Variants in LAMA2 observed in about 807,000 individuals in gnomAD.
The protein encoded by LAMA2 is laminin subunit alpha-2.
In LAMA2, 269 loss-of-function variants were observed where a neutral mutation model predicts 364.8. That is an observed-to-expected ratio of 0.74 (90% confidence interval 0.67 to 0.82). The LOEUF (loss-of-function observed/expected upper bound fraction) is 0.82. Among genes scored for constraint, LAMA2 ranks in the 40% least tolerant of loss-of-function variants. The pLI is 0.00. For missense variants in LAMA2, 3,807 were observed against 3,873.2 expected, an observed-to-expected ratio of 0.98 and a Z score of 0.45; for synonymous variants, 1,379 against 1,370.6, an observed-to-expected ratio of 1.01 and a Z score of -0.14.
At position 129,492,431 on chromosome 6, in the gene LAMA2, C is replaced by G; in HGVS notation, c.8192C>G (p.Pro2731Arg). The part of the protein sequence containing the change: ...GAAPAEIVIQ[P>R]EPVPTPAFPT... The stretch of plus-strand genomic sequence containing the variant: ...GCTCCAGCTGAAATAGTTATCCAGC[C>G]TGAGCCAGTTCCCACCCCAGCCTTT... The change falls in exon 58 of 65, where the codon CCT becomes CGT. Residue 2731 changes from proline to arginine, a missense_variant. Pro to Arg is a moderately radical substitution (Grantham distance 103). Transcript: ENST00000421865. 1 of 1,614,102 alleles carries G rather than the reference C, an allele frequency of 6.2e-7. No homozygotes were observed. Among genetic ancestry groups the G allele is most frequent in the Non-Finnish European group, 8.5e-7 (1 of 1,179,974 alleles).
chr6:129,109,582 G>A (rs1254900556), intron 4 of LAMA2, among the ~76,000 whole-genome samples: 1 of 143,124 alleles, frequency 7.0e-6, no homozygotes, highest in East Asian at 2.1e-4. Flanking sequence ...ACCACTTTGT[G>A]CACATAAGTG....
chr6:129,491,566 C>T (rs1337270289), intron 56 of LAMA2, among the ~76,000 whole-genome samples: 1 of 152,182 alleles, frequency 6.6e-6, no homozygotes, highest in Non-Finnish European at 1.5e-5. Flanking sequence ...ACCTGCCAAC[C>T]CTTATACGGT....
At position 129,443,059 on chromosome 6, in the gene LAMA2, G is replaced by A. The variant is rs1463703011; in HGVS notation, c.6269-4G>A. The A allele has an allele frequency of 1.3e-6, 2 of 1,590,034 alleles. No homozygotes were observed. The highest frequency in any genetic ancestry group is 1.7e-6 in the Non-Finnish European group (2 of 1,163,040). ...GTTTTGCTTCCATGTGAAATTGCCT[G>A]CAGAAATCAGTACGTATATGTTTAC... On this transcript the variant is annotated splice_polypyrimidine_tract_variant and splice_region_variant and intron_variant, in intron 43 of 64. Transcript: ENST00000421865.
intron 22 of LAMA2, among the ~76,000 whole-genome samples, chr6:129,301,097 G>C (rs1327077727): frequency 6.6e-6 from 1 of 151,848 alleles, no homozygotes; most frequent in African/African-American, 2.4e-5. Flanking sequence ...CTACAAGAGG[G>C]GTAAAAAGAA....
chr6:129,214,699 G>A lies in LAMA2; in HGVS notation c.1782+21846G>A, dbSNP rs1464375792. Among the ~76,000 whole-genome samples the A allele has an allele frequency of 3.9e-5, 6 of 152,118 alleles. No homozygotes were observed. In the East Asian group the frequency reaches 5.8e-4, roughly 15 times the overall value. Reference sequence around the variant, plus strand: ...TAACTATAGTTTTATACTAAGTCTTGAAGTTGGGTAGTGTTAGCTTTACAA... The same window carrying A: ...TAACTATAGTTTTATACTAAGTCTTAAAGTTGGGTAGTGTTAGCTTTACAA... On this transcript the variant is annotated intron_variant, in intron 12 of 64. Transcript: ENST00000421865.
At chr6:128,909,853 A>C (rs1777773124) in intron 1 of LAMA2, among the ~76,000 whole-genome samples, 1 of 151,410 alleles carries the variant, frequency 6.6e-6, no homozygotes, top group African/African-American at 2.4e-5. Flanking sequence ...ATCTCTCAGC[A>C]TTTGCTTGTC....
rs114008073 is a variant in LAMA2, at chr6:128,956,578, A to G, written c.112+73221A>G. ...AGAAAATAGGGACAATTAATGTATA[A>G]TAAACTTAAAGTTACATGATATGAC... On this transcript the variant is annotated intron_variant, in intron 1 of 64. Transcript: ENST00000421865. Among the ~76,000 whole-genome samples the G allele has an allele frequency of 3.7e-3, 557 of 152,174 alleles. 2 individuals carry two copies. The highest frequency in any genetic ancestry group is 0.012 in the African/African-American group (481 of 41,562).
At chr6:128,901,939 C>T (rs972396480) in intron 1 of LAMA2, among the ~76,000 whole-genome samples, 2 of 152,198 alleles carry the variant, frequency 1.3e-5, no homozygotes, top group African/African-American at 2.4e-5. Context: ...CTGGCCAAGA[C>T]TGGGCAATTT....
intron 15 of LAMA2, among the ~76,000 whole-genome samples, chr6:129,264,914 CTTG>C (rs1420148630): frequency 6.6e-6 from 1 of 152,006 alleles, no homozygotes; most frequent in African/African-American, 2.4e-5. Flanking sequence ...GAATATAATA[CTTG>C]TTAAGAGTAG....
Position 129,063,805 on chromosome 6 carries a change from T to C in LAMA2, c.396+3909T>C, listed in dbSNP as rs186045934. 2.6e-5 allele frequency among the ~76,000 whole-genome samples: 4 copies of C among 152,318 alleles called. No individual in the cohort carries two copies. The East Asian group carries it at 7.7e-4, about 29-fold the overall frequency. On this transcript the variant is annotated intron_variant, in intron 3 of 64. Transcript: ENST00000421865. ...GACAAGTTAACAGTTTTAACTGGAATTTATGTTTTAGGAGGAGGATAAACT... is the reference window on the plus strand; with the variant it reads ...GACAAGTTAACAGTTTTAACTGGAACTTATGTTTTAGGAGGAGGATAAACT...
intron 40 of LAMA2, among the ~76,000 whole-genome samples, chr6:129,410,369 G>C (rs1322416250): frequency 2.6e-5 from 4 of 151,254 alleles, no homozygotes; most frequent in Admixed American, 2.0e-4. Context: ...ATGGCAAATG[G>C]AGTTCTCCTC....
intron 28 of LAMA2, among the ~76,000 whole-genome samples, chr6:129,325,642 G>A (rs965080584): frequency 2.1e-4 from 32 of 151,768 alleles, no homozygotes; most frequent in African/African-American, 4.6e-4. Context: ...ATCAGGATAC[G>A]AAATAAATCA....
intron 48 of LAMA2, among the ~76,000 whole-genome samples, chr6:129,456,726 CTT>C (rs1285607235): frequency 6.6e-6 from 1 of 152,076 alleles, no homozygotes; most frequent in African/African-American, 2.4e-5. Flanking sequence ...GTTGTTTTGT[CTT>C]TATCTGTGGC....
intron 4 of LAMA2, among the ~76,000 whole-genome samples, chr6:129,117,820 G>A (rs1464757731): frequency 6.6e-6 from 1 of 152,168 alleles, no homozygotes; most frequent in Admixed American, 6.5e-5. Context: ...TAAGAAAACT[G>A]ATGGGCAATA....
chr6:128,948,193 G>A (rs990989540), intron 1 of LAMA2, among the ~76,000 whole-genome samples: 3 of 152,068 alleles, frequency 2.0e-5, no homozygotes, highest in African/African-American at 7.2e-5. Context: ...CAGGTAACAA[G>A]AGGACTTGAT....
intron 1 of LAMA2, among the ~76,000 whole-genome samples, chr6:129,033,667 A>G (rs1277323764): frequency 6.6e-6 from 1 of 151,978 alleles, no homozygotes; most frequent in Admixed American, 6.6e-5. Context: ...TCCTTGCTTT[A>G]TATTTTGAGT....
chr6:129,275,566 G>A (rs1163370110), intron 17 of LAMA2, among the ~76,000 whole-genome samples: 2 of 151,884 alleles, frequency 1.3e-5, no homozygotes, highest in African/African-American at 4.8e-5. Flanking sequence ...TGTTTGGCAA[G>A]AGTTATGTTA....
At chr6:129,301,767 T>C (rs1432011055) in intron 22 of LAMA2, among the ~76,000 whole-genome samples, 1 of 152,134 alleles carries the variant, frequency 6.6e-6, no homozygotes, top group Non-Finnish European at 1.5e-5. Context: ...TACAGTGGTG[T>C]AATCATCCCT....
chr6:129,402,027 G>A (rs558476579), intron 38 of LAMA2, among the ~76,000 whole-genome samples: 1 of 152,120 alleles, frequency 6.6e-6, no homozygotes, highest in East Asian at 1.9e-4. Context: ...GGGCAACATG[G>A]CGAAACCCCG....
Sources: allele counts gnomAD v4.1 joint callset (sites outside exome capture counted in the v4.1 genomes callset), GRCh38; gene constraint gnomAD v4.1.1; transcripts MANE v1.5; gene names NCBI Gene and HGNC (gene_info 2026-07-23, HGNC 2026-07-21).